The following EPHA6 variants were observed in gnomAD, a reference collection of about 807,000 sequenced individuals.
EPHA6 encodes the protein ephrin type-A receptor 6.
In EPHA6, 50 loss-of-function variants were observed where a neutral mutation model predicts 112.0. The observed-to-expected ratio is 0.45, with a 90% CI of 0.36 to 0.56. The LOEUF is 0.56. Ranked by LOEUF, EPHA6 falls within the 20% of genes least tolerant of loss-of-function variation. The probability of loss-of-function intolerance (pLI) is 0.00; values close to 1 mark genes in which losing one functional copy is unlikely to be tolerated. For missense variants in EPHA6, 1,280 were observed against 1,417.4 expected (o/e 0.90, Z 1.56); for synonymous variants, 529 against 490.7 (o/e 1.08, Z -1.03).
At chr3:97,055,533 G>T (rs142356223) in intron 3 of EPHA6, among the ~76,000 whole-genome samples, 3 of 152,058 alleles carry the variant, frequency 2.0e-5, no homozygotes, top group Admixed American at 2.0e-4. Flanking sequence ...AATACACAAG[G>T]GTTTGCAGAC....
chr3:96,980,144 G>A (rs1196857400), intron 2 of EPHA6, among the ~76,000 whole-genome samples: 3 of 152,108 alleles, frequency 2.0e-5, no homozygotes, highest in Non-Finnish European at 2.9e-5. Flanking sequence ...TGTCCTGAAC[G>A]GTATTACCTA....
chr3:97,536,740 T>C (rs1296376399), intron 11 of EPHA6, among the ~76,000 whole-genome samples: 1 of 152,106 alleles, frequency 6.6e-6, no homozygotes, highest in Non-Finnish European at 1.5e-5. Context: ...TGTTAAGTAA[T>C]AGGCATTCCC....
At chr3:97,540,026 A>G (rs2092826722) in intron 11 of EPHA6, among the ~76,000 whole-genome samples, 1 of 152,036 alleles carries the variant, frequency 6.6e-6, no homozygotes, top group South Asian at 2.1e-4. Context: ...TGAAGATGAG[A>G]AGAGATTAAA....
chr3:97,582,365 G>A (rs1364763129), intron 11 of EPHA6, among the ~76,000 whole-genome samples: 2 of 151,946 alleles, frequency 1.3e-5, no homozygotes, highest in South Asian at 2.1e-4. Context: ...TATACTCACC[G>A]GTAGGGAGAT....
At chr3:96,848,647 T>C (rs2035217448) in intron 1 of EPHA6, among the ~76,000 whole-genome samples, 1 of 152,104 alleles carries the variant, frequency 6.6e-6, no homozygotes, top group Non-Finnish European at 1.5e-5. Flanking sequence ...TAAATCTTCA[T>C]ATTTTAAACG....
At chr3:97,325,987 T>C (rs2082400774) in intron 5 of EPHA6, among the ~76,000 whole-genome samples, 1 of 151,614 alleles carries the variant, frequency 6.6e-6, no homozygotes, top group Admixed American at 6.6e-5. Flanking sequence ...GAGATAGCAG[T>C]GATTGAAATA....
chr3:97,139,202 C>G (rs1394696943), intron 3 of EPHA6, among the ~76,000 whole-genome samples: 1 of 152,150 alleles, frequency 6.6e-6, no homozygotes, highest in Admixed American at 6.5e-5. Flanking sequence ...TGCCCATTAC[C>G]AGGGACACCC....
chr3:97,197,773 GA>G (rs2077478588), intron 3 of EPHA6, among the ~76,000 whole-genome samples: 3 of 151,990 alleles, frequency 2.0e-5, no homozygotes, highest in African/African-American at 7.2e-5. Context: ...TTGTGGTGTA[GA>G]CTGCCTTTCA....
At chr3:96,877,805 T>G (rs899220927) in intron 2 of EPHA6, among the ~76,000 whole-genome samples, 10 of 151,878 alleles carry the variant, frequency 6.6e-5, no homozygotes, top group African/African-American at 2.4e-4. Flanking sequence ...TTAGTCTTCT[T>G]CTTCCCCATA....
At chr3:96,817,062 T>C (rs1488159382) in intron 1 of EPHA6, among the ~76,000 whole-genome samples, 4 of 152,050 alleles carry the variant, frequency 2.6e-5, no homozygotes, top group Non-Finnish European at 4.4e-5. Flanking sequence ...AATTTGAATT[T>C]GTATTGATAT....
intron 3 of EPHA6, among the ~76,000 whole-genome samples, chr3:97,137,856 T>C (rs907940864): frequency 1.3e-5 from 2 of 151,874 alleles, no homozygotes; most frequent in Admixed American, 1.3e-4. Context: ...AAAATAAAAA[T>C]AAATAAATGT....
At chr3:97,719,628 T>C (rs1294195130) in intron 14 of EPHA6, among the ~76,000 whole-genome samples, 1 of 152,186 alleles carries the variant, frequency 6.6e-6, no homozygotes, top group South Asian at 2.1e-4. Flanking sequence ...TCCTTTAATA[T>C]GTTAAAATGT....
chr3:97,525,852 G>C (rs767405788), intron 10 of EPHA6, among the ~76,000 whole-genome samples: 4 of 152,100 alleles, frequency 2.6e-5, no homozygotes, highest in Non-Finnish European at 5.9e-5. Context: ...CTGGATCTGG[G>C]ATGATGAAGG....
intron 3 of EPHA6, among the ~76,000 whole-genome samples, chr3:97,008,096 C>A (rs1252471231): frequency 6.6e-6 from 1 of 152,096 alleles, no homozygotes; most frequent in Non-Finnish European, 1.5e-5. Context: ...AGATTATGTT[C>A]TTGTGGAGTA....
chr3:96,830,789 G>A (rs1373645810), intron 1 of EPHA6, among the ~76,000 whole-genome samples: 5 of 151,998 alleles, frequency 3.3e-5, no homozygotes, highest in Non-Finnish European at 7.4e-5. Context: ...AAATGGGGGG[G>A]ACATTGATCA....
intron 3 of EPHA6, among the ~76,000 whole-genome samples, chr3:97,201,354 T>C (rs1043046601): frequency 4.6e-5 from 7 of 152,148 alleles, no homozygotes; most frequent in South Asian, 2.1e-4. Context: ...TTTTTGTTTG[T>C]TTCTTCAATT....
At chr3:96,932,921 T>C (rs1462863734) in intron 2 of EPHA6, among the ~76,000 whole-genome samples, 1 of 152,046 alleles carries the variant, frequency 6.6e-6, no homozygotes, top group African/African-American at 2.4e-5. Context: ...ATCTGAAAAA[T>C]TTTTTTTAAT....
chr3:97,544,303 G>C lies in EPHA6; in HGVS notation c.2386+11760G>C, dbSNP rs576880616. Among the ~76,000 whole-genome samples the C allele has an allele frequency of 2.4e-3, 365 of 151,964 alleles. 2 individuals carry two copies. In the East Asian group the frequency reaches 0.036, roughly 15 times the overall value. ...TTTATTGAGAGTTTTTAGCATGAAG[G>C]GTTGTTGAATTTTGTCAAAGGCCTT... On this transcript the variant is annotated intron_variant, in intron 11 of 17. Transcript: ENST00000389672.
chr3:97,430,656 G>A (rs2089450222), intron 6 of EPHA6, among the ~76,000 whole-genome samples: 1 of 151,788 alleles, frequency 6.6e-6, no homozygotes, highest in South Asian at 2.1e-4. Flanking sequence ...CTTTTGGATG[G>A]GCATTTTCAA....
Sources: gnomAD v4.1 joint callset for allele counts (sites outside exome capture counted in the v4.1 genomes callset) on GRCh38, gnomAD v4.1.1 for gene constraint, MANE v1.5 for transcripts, NCBI Gene and HGNC (gene_info 2026-07-23, HGNC 2026-07-21) for gene names.